Variants in HSD11B1L observed in about 807,000 individuals in gnomAD.
HSD11B1L encodes hydroxysteroid 11-beta-dehydrogenase 1-like protein.
Under a neutral mutation model 27.0 loss-of-function variants are expected in HSD11B1L, and 22 were observed. That is an observed-to-expected ratio of 0.81 (90% CI 0.58 to 1.16). The LOEUF (loss-of-function observed/expected upper bound fraction) is 1.16. Ranked by LOEUF, HSD11B1L falls within the 50% of genes most tolerant of loss-of-function variation. The pLI, the probability that HSD11B1L is intolerant of heterozygous loss-of-function variation, is 0.00. For missense variants in HSD11B1L, 372 were observed against 401.8 expected (o/e 0.93, Z 0.63); for synonymous variants, 187 against 189.2 (o/e 0.99, Z 0.09).
chr19:5,687,276 C>G lies in HSD11B1L; in HGVS notation c.409-6C>G. 6.2e-7 allele frequency: 1 copy of G among 1,612,162 alleles called. No individual in the cohort carries two copies. Among genetic ancestry groups the G allele is most frequent in the African/African-American group, 1.3e-5 (1 of 75,026 alleles). On this transcript the variant is annotated splice_polypyrimidine_tract_variant and splice_region_variant and intron_variant, in intron 5 of 7. Coordinates refer to ENST00000339423, the MANE Select transcript of HSD11B1L (RefSeq NM_198706.3). The surrounding 1 kb of genome is among the most constrained non-coding windows in gnomAD (Gnocchi z 6.6). ...TCTGCCGGTGACTCGCGAGTGCCGCCTGCAGGTAAACTTTGTGAGCTACGT... is the reference window on the plus strand; with the variant it reads ...TCTGCCGGTGACTCGCGAGTGCCGCGTGCAGGTAAACTTTGTGAGCTACGT...
At chr19:5,684,757 C>T (rs1471964883) in intron 1 of HSD11B1L, 62 bp from the exon 2 acceptor site, 3 of 1,608,090 alleles carry the variant, frequency 1.9e-6, no homozygotes, top group Middle Eastern at 1.7e-4. Context: ...AAACACCCAC[C>T]AAACACGGGT....
rs1323926639 is a variant in HSD11B1L at position 5,687,875 on chromosome 19, G to A, written c.791G>A (p.Arg264Gln). The change falls in exon 8 of 8, where the codon CGG (arginine) becomes CAG (glutamine). Residue 264 changes from arginine to glutamine, a missense_variant. Transcript: ENST00000339423. The surrounding 1 kb of genome is among the most constrained non-coding windows in gnomAD (Gnocchi z 6.6). ...PWRFRLLCLL[R>Q]RWLPRPRAWF... is the part of the protein sequence containing the mutation. ...CGTTTCCGCCTGCTGTGCTTGCTCC[G>A]GCGCTGGCTACCGCGCCCGCGGGCC... is the stretch of plus-strand genomic sequence containing the variant. The A allele has an allele frequency of 8.9e-6, 14 of 1,580,896 alleles. No individual in the cohort carries two copies. In the East Asian group the frequency reaches 9.3e-5, roughly 11 times the overall value.
chr19:5,686,607 G>A, intron 4 of HSD11B1L, 80 bp downstream of exon 4: 1 of 1,105,678 alleles, frequency 9.0e-7, no homozygotes, highest in Non-Finnish European at 1.3e-6. Flanking sequence ...GGCTGTGGGT[G>A]TGGCCACAGT....
Position 5,685,358 on chromosome 19 carries a change from C to G in HSD11B1L, c.204+239C>G. ...TGGGAGGCCGAGGAAAGTGGATCAC[C>G]TGAGGTCAGGAGTTCAAGACCAGCC... On this transcript the variant is annotated intron_variant, in intron 3 of 7. Coordinates refer to ENST00000339423, the MANE Select transcript of HSD11B1L (RefSeq NM_198706.3). This position sits in a 1 kb window ranked among gnomAD's most constrained non-coding sequence, Gnocchi z 4.3. The G allele has an allele frequency of 1.5e-6, 1 of 652,148 alleles. No homozygotes were observed. The highest frequency in any genetic ancestry group is 2.8e-6 in the Non-Finnish European group (1 of 356,508). 40.4% of individuals were successfully genotyped at this position (652,148 alleles called of 1,614,324 possible).
chr19:5,684,889 T>G lies in HSD11B1L; in HGVS notation c.57T>G (p.Asp19Glu). The G allele has an allele frequency of 1.9e-6, 3 of 1,613,818 alleles. No individual in the cohort carries two copies. The South Asian group carries it at 3.3e-5, about 18-fold the overall frequency. Residue 19 changes from aspartate (D) to glutamate (E), a missense_variant, in exon 2 of 8, where the codon GAT becomes GAG. Asp to Glu is a conservative substitution (Grantham distance 45, BLOSUM62 2). Transcript: ENST00000339423. ...CCCTGTTCTTCGCCTATTATTGGGA[T>G]GACAACTTCGACCCAGGTGAGCACC... ...LGALFFAYYW[D>E]DNFDPASLQG...
At chr19:5,686,050 G>T (rs1235715691) in intron 3 of HSD11B1L, among the ~76,000 whole-genome samples, 1 of 152,184 alleles carries the variant, frequency 6.6e-6, no homozygotes, top group Non-Finnish European at 1.5e-5. Flanking sequence ...TCTTAAACTC[G>T]AAGGGAAGGA....
In HSD11B1L at chr19:5,687,440, A is replaced by G. The variant is rs2054730202; in HGVS notation, c.503-63A>G. The G allele has an allele frequency of 3.1e-6, 5 of 1,596,696 alleles. No homozygotes were observed. The highest frequency in any genetic ancestry group is 1.3e-5 in the African/African-American group (1 of 74,452). ...GGGAGCTCGATGCGGGTGAGCCTGG[A>G]GGGTCTGGGCAGGCTTCCCGGACGA... On this transcript the variant is annotated intron_variant, in intron 6 of 7. Transcript: ENST00000339423. The surrounding 1 kb of genome is among the most constrained non-coding windows in gnomAD (Gnocchi z 6.6).
Position 5,688,005 on chromosome 19 carries a change from G to A in HSD11B1L, c.*60G>A. On this transcript the variant is annotated 3_prime_UTR_variant, in exon 8 of 8. Transcript: ENST00000339423. ...ATGTTCCTCCCTCCAACTGTCCCTG[G>A]AGCCAGAACACTCACAGAGACACCC... 6.4e-7 allele frequency: 1 copy of A among 1,551,544 alleles called. No homozygotes were observed. Among genetic ancestry groups the A allele is most frequent in the East Asian group, 2.4e-5 (1 of 40,924 alleles).
Position 5,685,378 on chromosome 19 carries a change from C to T in HSD11B1L, c.204+259C>T, listed in dbSNP as rs181872990. Reference sequence around the variant, plus strand: ...ATCACCTGAGGTCAGGAGTTCAAGACCAGCCTGGCCAACATGGCGAAACCT... The same window carrying T: ...ATCACCTGAGGTCAGGAGTTCAAGATCAGCCTGGCCAACATGGCGAAACCT... On this transcript the variant is annotated intron_variant, in intron 3 of 7. Transcript: ENST00000339423. The surrounding 1 kb of genome is among the most constrained non-coding windows in gnomAD (Gnocchi z 4.3). 52 of 604,830 alleles carry T rather than the reference C, an allele frequency of 8.6e-5. 1 individual carries two copies. In the East Asian group the frequency reaches 1.9e-3, roughly 22 times the overall value. 37.5% of individuals were successfully genotyped at this position (604,830 alleles called of 1,614,324 possible).
Position 5,687,899 on chromosome 19 carries a change from C to T in HSD11B1L, c.815C>T (p.Ala272Val). Reference sequence around the variant, plus strand: ...CGGCGCTGGCTACCGCGCCCGCGGGCCTGGTTTATCCGCCAGGAGCTCAAC... The same window carrying T: ...CGGCGCTGGCTACCGCGCCCGCGGGTCTGGTTTATCCGCCAGGAGCTCAAC... The part of the protein sequence containing the change: ...LLRRWLPRPR[A>V]WFIRQELNVT... The change falls in exon 8 of 8, where the codon GCC becomes GTC. Residue 272 changes from alanine to valine, a missense_variant. Physicochemically the swap from Ala to Val is moderately conservative, Grantham distance 64. Coordinates refer to ENST00000339423, the MANE Select transcript of HSD11B1L (RefSeq NM_198706.3). This position sits in a 1 kb window ranked among gnomAD's most constrained non-coding sequence, Gnocchi z 6.6. The T allele has an allele frequency of 6.3e-7, 1 of 1,575,706 alleles. No homozygotes were observed. Among genetic ancestry groups the T allele is most frequent in the Non-Finnish European group, 8.6e-7 (1 of 1,160,730 alleles).
In HSD11B1L at chr19:5,688,076, A is replaced by G; in HGVS notation, c.*131A>G. The stretch of plus-strand genomic sequence containing the variant: ...CAAGATGAAGTCATCAAGACAGAAA[A>G]GCAAAACCGAGAAAAACGACGGGCA... On this transcript the variant is annotated 3_prime_UTR_variant, in exon 8 of 8. Transcript: ENST00000339423. The G allele has an allele frequency of 6.4e-7, 1 of 1,551,562 alleles. No homozygotes were observed.
rs1299137963 is a variant in HSD11B1L, at chr19:5,685,674, G to A, written c.204+555G>A. The A allele has an allele frequency of 6.1e-6, 1 of 165,278 alleles. No individual in the cohort carries two copies. The allele number at this position is 165,278 out of a possible 1,614,324, so 10.2% of individuals were successfully genotyped here. A position where few individuals can be genotyped will look rare whatever the true frequency, so the allele number is the denominator to read the frequency against. On this transcript the variant is annotated intron_variant, in intron 3 of 7. Transcript: ENST00000339423. This position sits in a 1 kb window ranked among gnomAD's most constrained non-coding sequence, Gnocchi z 4.3. The stretch of plus-strand genomic sequence containing the variant: ...AATTGCTGGAACCCGGGAGGTGGAG[G>A]TTGCAGTGAGCTGAGATCGCGCCAC...
chr19:5,685,432 C>T lies in HSD11B1L; in HGVS notation c.204+313C>T. The T allele has an allele frequency of 2.3e-6, 1 of 443,872 alleles. No individual in the cohort carries two copies. Among genetic ancestry groups the T allele is most frequent in the Non-Finnish European group, 4.3e-6 (1 of 230,894 alleles). 27.5% of individuals were successfully genotyped at this position (443,872 alleles called of 1,614,324 possible). A position where few individuals can be genotyped will look rare whatever the true frequency, so the allele number is the denominator to read the frequency against. ...CTCTACTAAGAAGACAAAAATTAGG[C>T]CAGGCATGGTGGCTCATGCCTGTAA... is the stretch of plus-strand genomic sequence containing the variant. On this transcript the variant is annotated intron_variant, in intron 3 of 7. Transcript: ENST00000339423. This position sits in a 1 kb window ranked among gnomAD's most constrained non-coding sequence, Gnocchi z 4.3.
At position 5,685,183 on chromosome 19, in the gene HSD11B1L, G is replaced by A. The variant is rs909756799; in HGVS notation, c.204+64G>A. 6 of 1,523,200 alleles carry A rather than the reference G, an allele frequency of 3.9e-6. No individual in the cohort carries two copies. Among genetic ancestry groups the A allele is most frequent in the Admixed American group, 2.0e-5 (1 of 50,956 alleles). The allele number at this position is 1,523,200 out of a possible 1,614,324, so 94.4% of individuals were successfully genotyped here. On this transcript the variant is annotated intron_variant, in intron 3 of 7. Coordinates refer to ENST00000339423, the MANE Select transcript of HSD11B1L (RefSeq NM_198706.3). This position sits in a 1 kb window ranked among gnomAD's most constrained non-coding sequence, Gnocchi z 4.3. ...CATGGGGGGTGGGAAGAGAGCCTGGGTTTAATCCCTGCAATGATCCAGGCT... is the reference window on the plus strand; with the variant it reads ...CATGGGGGGTGGGAAGAGAGCCTGGATTTAATCCCTGCAATGATCCAGGCT...
intron 1 of HSD11B1L, among the ~76,000 whole-genome samples, chr19:5,681,926 C>T (rs1472139838): frequency 6.6e-6 from 1 of 152,256 alleles, no homozygotes; most frequent in African/African-American, 2.4e-5. Context: ...TGCCGGGCTG[C>T]TGCAGTCAGT....
Position 5,684,983 on chromosome 19 carries a change from G to A in HSD11B1L, c.74-6G>A. On this transcript the variant is annotated splice_polypyrimidine_tract_variant and splice_region_variant and intron_variant, in intron 2 of 7. Coordinates refer to ENST00000339423, the MANE Select transcript of HSD11B1L (RefSeq NM_198706.3). ...CGCCCAGAGTGACCACCCCGGCTATGGCCAGCCAGCCTCCAGGGAGCGCGA... is the reference window on the plus strand; with the variant it reads ...CGCCCAGAGTGACCACCCCGGCTATAGCCAGCCAGCCTCCAGGGAGCGCGA... 6.2e-7 allele frequency: 1 copy of A among 1,610,056 alleles called. No individual in the cohort carries two copies. The highest frequency in any genetic ancestry group is 8.5e-7 in the Non-Finnish European group (1 of 1,178,298).
At position 5,684,881 on chromosome 19, in the gene HSD11B1L, T is replaced by C. The variant is rs1162451916; in HGVS notation, c.49T>C (p.Tyr17His). 1 of 1,613,618 alleles carries C rather than the reference T, an allele frequency of 6.2e-7. No homozygotes were observed. Among genetic ancestry groups the C allele is most frequent in the East Asian group, 2.2e-5 (1 of 44,876 alleles). The change falls in exon 2 of 8, where the codon TAT (tyrosine) becomes CAT (histidine). Residue 17 changes from tyrosine (Y) to histidine (H), a missense_variant. Transcript: ENST00000339423. ...TGLGALFFAY[Y>H]WDDNFDPASL... ...GCTGGGGGCCCTGTTCTTCGCCTATTATTGGGATGACAACTTCGACCCAGG... is the reference window on the plus strand; with the variant it reads ...GCTGGGGGCCCTGTTCTTCGCCTATCATTGGGATGACAACTTCGACCCAGG...
chr19:5,682,030 A>G (rs1436839208), intron 1 of HSD11B1L, among the ~76,000 whole-genome samples: 1 of 152,236 alleles, frequency 6.6e-6, no homozygotes, highest in East Asian at 1.9e-4. Flanking sequence ...TGCTGTGGGC[A>G]TGCCTGGTGT....
At chr19:5,686,224 A>C (rs1353855758) in intron 3 of HSD11B1L, among the ~76,000 whole-genome samples, 192 bp from the exon 4 acceptor site, 1 of 151,924 alleles carries the variant, frequency 6.6e-6, no homozygotes, top group Non-Finnish European at 1.5e-5. Context: ...ATTGGCCAGC[A>C]TTCTGGCCCG....
Sources: gnomAD v4.1 joint callset for allele counts (sites outside exome capture counted in the v4.1 genomes callset) on GRCh38, gnomAD v4.1.1 for gene constraint, Gnocchi (gnomAD v3.1) non-coding constraint, MANE v1.5 for transcripts, NCBI Gene and HGNC (gene_info 2026-07-23, HGNC 2026-07-21) for gene names.